Variants in BMERB1 observed in about 807,000 individuals in gnomAD.
The protein encoded by BMERB1 is bMERB domain-containing protein 1.
Under a neutral mutation model 23.6 loss-of-function variants are expected in BMERB1, and 12 were observed. That is an observed-to-expected ratio of 0.51 (90% CI 0.33 to 0.82). The LOEUF (loss-of-function observed/expected upper bound fraction) is 0.82. Ranked by LOEUF, BMERB1 falls within the 40% of genes least tolerant of loss-of-function variation. The pLI, the probability that BMERB1 is intolerant of heterozygous loss-of-function variation, is 0.03. For missense variants in BMERB1, 247 were observed against 255.4 expected, an observed-to-expected ratio of 0.97 and a Z score of 0.22; for synonymous variants, 122 against 96.6, an observed-to-expected ratio of 1.26 and a Z score of -1.54.
At chr16:15,493,877 A>G (rs1241839314) in intron 1 of BMERB1, among the ~76,000 whole-genome samples, 1 of 152,186 alleles carries the variant, frequency 6.6e-6, no homozygotes, top group African/African-American at 2.4e-5. Flanking sequence ...CTGAAATATT[A>G]CTTTAGACAG....
intron 2 of BMERB1, among the ~76,000 whole-genome samples, chr16:15,558,301 T>A (rs2030323228): frequency 6.6e-6 from 1 of 152,114 alleles, no homozygotes; most frequent in African/African-American, 2.4e-5. Context: ...CTTGCCTCCC[T>A]GAAGATGGAA....
intron 2 of BMERB1, among the ~76,000 whole-genome samples, chr16:15,516,770 G>T (rs2051764896): frequency 6.6e-6 from 1 of 152,188 alleles, no homozygotes. Context: ...CCTGCCCAAG[G>T]CCTCCCAGCT....
chr16:15,472,560 C>T (rs899894288), intron 1 of BMERB1, among the ~76,000 whole-genome samples: 1 of 152,090 alleles, frequency 6.6e-6, no homozygotes, highest in Non-Finnish European at 1.5e-5. Flanking sequence ...GTAGAGCCAT[C>T]CTGGCTTTTC....
At chr16:15,564,609 A>G (rs576271853) in intron 2 of BMERB1, among the ~76,000 whole-genome samples, 8 of 152,372 alleles carry the variant, frequency 5.3e-5, no homozygotes, top group Admixed American at 1.3e-4. Context: ...TCCAGATGAG[A>G]AAACAAGACA....
chr16:15,500,652 C>A (rs1028692675), intron 1 of BMERB1, among the ~76,000 whole-genome samples: 1 of 152,132 alleles, frequency 6.6e-6, no homozygotes, highest in Non-Finnish European at 1.5e-5. Flanking sequence ...GAGATCTGTT[C>A]TTCCTTTATT....
chr16:15,489,729 C>CATTT (rs1263352474), intron 1 of BMERB1, among the ~76,000 whole-genome samples: 2 of 152,136 alleles, frequency 1.3e-5, no homozygotes, highest in Non-Finnish European at 1.5e-5. Context: ...GGACTGTTGA[C>CATTT]ATTTACTCTG....
At chr16:15,460,542 A>G (rs567814561) in intron 1 of BMERB1, among the ~76,000 whole-genome samples, 8 of 152,180 alleles carry the variant, frequency 5.3e-5, no homozygotes, top group African/African-American at 1.9e-4. Context: ...TCGTTTTTTA[A>G]TTTTTTTAAT....
chr16:15,530,747 ATC>A (rs2051958773), intron 2 of BMERB1, among the ~76,000 whole-genome samples: 3 of 151,994 alleles, frequency 2.0e-5, no homozygotes, highest in Admixed American at 2.0e-4. Context: ...TTCTCATGAG[ATC>A]TGATGGTTTT....
At chr16:15,492,611 C>A (rs1481697535) in intron 1 of BMERB1, among the ~76,000 whole-genome samples, 1 of 152,114 alleles carries the variant, frequency 6.6e-6, no homozygotes, top group Non-Finnish European at 1.5e-5. Flanking sequence ...TGGGATGTAC[C>A]ACGGATGTGA....
At chr16:15,476,272 C>T (rs1056244731) in intron 1 of BMERB1, among the ~76,000 whole-genome samples, 6 of 151,454 alleles carry the variant, frequency 4.0e-5, no homozygotes, top group African/African-American at 1.5e-4. Flanking sequence ...AAGTGATTCT[C>T]CTGCCTCAGC....
intron 2 of BMERB1, among the ~76,000 whole-genome samples, chr16:15,524,090 A>C (rs1044907506): frequency 1.3e-5 from 2 of 152,208 alleles, no homozygotes; most frequent in African/African-American, 4.8e-5. Context: ...CTTCAAGCCA[A>C]GGGCAAAATG....
intron 2 of BMERB1, among the ~76,000 whole-genome samples, chr16:15,547,345 T>TC (rs1308377300): frequency 7.4e-6 from 1 of 135,214 alleles, no homozygotes; most frequent in East Asian, 2.0e-4. Context: ...TTCTTCTTCT[T>TC]TTTTTTTTTT....
At chr16:15,531,631 GGTTCTC>G in intron 2 of BMERB1, among the ~76,000 whole-genome samples, 1 of 152,222 alleles carries the variant, frequency 6.6e-6, no homozygotes, top group African/African-American at 2.4e-5. Flanking sequence ...TCCTGTGCCG[GGTTCTC>G]ATCATTTTTT....
chr16:15,559,050 C>T (rs934247957), intron 2 of BMERB1, among the ~76,000 whole-genome samples: 1 of 151,966 alleles, frequency 6.6e-6, no homozygotes. Context: ...AGTCAAGCAG[C>T]CAAATGATAT....
intron 5 of BMERB1, chr16:15,583,903 G>T: frequency 3.0e-6 from 2 of 664,714 alleles, no homozygotes; most frequent in South Asian, 3.2e-5. Context: ...TGCAAACTAC[G>T]TACCTGGTCC....
chr16:15,434,873 G>C (rs1358035874), intron 1 of BMERB1, 114 bp downstream of exon 1: 5 of 869,912 alleles, frequency 5.7e-6, no homozygotes, highest in Non-Finnish European at 8.7e-6. Context: ...AAGCGCCCCC[G>C]CAGCGGGGCT....
chr16:15,563,970 T>G (rs149853337), intron 2 of BMERB1, among the ~76,000 whole-genome samples: 173 of 152,234 alleles, frequency 1.1e-3, no homozygotes, highest in African/African-American at 4.0e-3. Context: ...GAGTGAGTTC[T>G]CACTCTTTTA....
chr16:15,584,090 GA>G (rs1414285513), intron 5 of BMERB1: 25 of 701,382 alleles, frequency 3.6e-5, no homozygotes, highest in Middle Eastern at 2.5e-4. Context: ...GGTTTTATAT[GA>G]AATAAGTTTG....
At chr16:15,512,870 C>G (rs541408677) in intron 1 of BMERB1, among the ~76,000 whole-genome samples, 1 of 150,530 alleles carries the variant, frequency 6.6e-6, no homozygotes, top group Non-Finnish European at 1.5e-5. Context: ...CAGAGGGATA[C>G]TCCGTCTCAA....
Sources: gnomAD v4.1 joint callset for allele counts (sites outside exome capture counted in the v4.1 genomes callset) on GRCh38, gnomAD v4.1.1 for gene constraint, MANE v1.5 for transcripts, NCBI Gene and HGNC (gene_info 2026-07-23, HGNC 2026-07-21) for gene names.